The following CACNA1A variants were observed in gnomAD, a reference collection of about 807,000 sequenced individuals.
CACNA1A encodes the protein voltage-dependent P/Q-type calcium channel subunit alpha-1A.
In CACNA1A, 57 loss-of-function variants were observed where a neutral mutation model predicts 262.4. That is an observed-to-expected ratio of 0.22 (90% CI 0.18 to 0.27). The LOEUF (loss-of-function observed/expected upper bound fraction) is 0.27, where lower values mean the gene tolerates loss of function less well. Among genes scored for constraint, CACNA1A ranks in the 10% least tolerant of loss-of-function variants. The pLI is 1.00. For synonymous variants in CACNA1A, 1,431 were observed against 1,419.3 expected (o/e 1.01, Z -0.18); for missense variants, 2,526 against 3,562.8 (o/e 0.71, Z 7.41).
intron 10 of CACNA1A, among the ~76,000 whole-genome samples, chr19:13,322,259 C>T (rs1441829598): frequency 1.3e-5 from 2 of 148,616 alleles, no homozygotes; most frequent in African/African-American, 5.0e-5. Flanking sequence ...GACCATATGA[C>T]AACAGAGGCA....
At chr19:13,474,920 T>C (rs1200867461) in intron 1 of CACNA1A, among the ~76,000 whole-genome samples, 2 of 151,898 alleles carry the variant, frequency 1.3e-5, no homozygotes, top group African/African-American at 4.8e-5. Flanking sequence ...AACAAGGAGG[T>C]TGAGAATGAC....
At chr19:13,210,952 G>A (rs1352788054) in intron 43 of CACNA1A, 5 of 486,948 alleles carry the variant, frequency 1.0e-5, no homozygotes, top group African/African-American at 1.9e-5. Flanking sequence ...ACAGGACGGC[G>A]CAGCCTCGAG....
intron 23 of CACNA1A, among the ~76,000 whole-genome samples, chr19:13,276,393 CA>C (rs1400117107): frequency 6.6e-6 from 1 of 152,204 alleles, no homozygotes; most frequent in African/African-American, 2.4e-5. Context: ...TGGCTTCCCA[CA>C]GATGCCAAAG....
rs754738036 is a variant in CACNA1A at position 13,207,425 on chromosome 19, C to A, written c.7409G>T (p.Arg2470Leu). Residue 2470 changes from arginine to leucine, a missense_variant, in exon 47 of 47, where the codon CGG (arginine) becomes CTG (leucine). Transcript: ENST00000360228. This position sits in a 1 kb window ranked among gnomAD's most constrained non-coding sequence, Gnocchi z 5.7. ...PACASPSRHG[R>L]RLPNGYYPAH... ...CGGGTAGTAGCCGTTGGGGAGTCGCCGGCCGTGCCGAGAAGGCGAGGCGCA... is the reference window on the plus strand; with the variant it reads ...CGGGTAGTAGCCGTTGGGGAGTCGCAGGCCGTGCCGAGAAGGCGAGGCGCA... The A allele has an allele frequency of 6.6e-7, 1 of 1,524,106 alleles. No individual in the cohort carries two copies. Among genetic ancestry groups the A allele is most frequent in the South Asian group, 1.2e-5 (1 of 84,082 alleles). The allele number at this position is 1,524,106 out of a possible 1,614,324, so 94.4% of individuals were successfully genotyped here.
Position 13,298,599 on chromosome 19 carries a change from T to A in CACNA1A, c.3034A>T (p.Thr1012Ser). Residue 1012 changes from threonine to serine, a missense_variant, in exon 19 of 47, where the codon ACG becomes TCG. By Grantham distance (58) the Thr-to-Ser change is moderately conservative. This residue lies in a region of CACNA1A where 765 missense variants were observed against 748.6 expected (regional missense o/e 1.02). Transcript: ENST00000360228. ...RRRHRHGAPA[T>S]YEGDARREDK... Reference sequence around the variant, plus strand: ...TCCCTCCGCGCGTCCCCCTCGTACGTGGCTGGAGCGCCATGCCGGTGCCTT... The same window carrying A: ...TCCCTCCGCGCGTCCCCCTCGTACGAGGCTGGAGCGCCATGCCGGTGCCTT... 1 of 1,530,356 alleles carries A rather than the reference T, an allele frequency of 6.5e-7. No individual in the cohort carries two copies. Among genetic ancestry groups the A allele is most frequent in the Non-Finnish European group, 8.8e-7 (1 of 1,135,306 alleles). 94.8% of individuals were successfully genotyped at this position (1,530,356 alleles called of 1,614,324 possible). A position where few individuals can be genotyped will look rare whatever the true frequency, so the allele number is the denominator to read the frequency against.
At chr19:13,366,530 C>A (rs375175017) in intron 4 of CACNA1A, among the ~76,000 whole-genome samples, 1 of 152,256 alleles carries the variant, frequency 6.6e-6, no homozygotes, top group South Asian at 2.1e-4. Context: ...CTCCTGACCT[C>A]AAGCGATCTT....
At chr19:13,222,937 C>T (rs1483894853) in intron 38 of CACNA1A, among the ~76,000 whole-genome samples, 1 of 152,150 alleles carries the variant, frequency 6.6e-6, no homozygotes. Flanking sequence ...TCGTGATCCA[C>T]CCACCTTGGC....
chr19:13,311,435 A>T (rs185025040), intron 12 of CACNA1A, among the ~76,000 whole-genome samples: 1 of 152,284 alleles, frequency 6.6e-6, no homozygotes, highest in East Asian at 1.9e-4. Flanking sequence ...TTCTTTAACT[A>T]CTTGGGTCAT....
At chr19:13,293,748 G>A (rs920291309) in intron 19 of CACNA1A, among the ~76,000 whole-genome samples, 1 of 151,298 alleles carries the variant, frequency 6.6e-6, no homozygotes, top group African/African-American at 2.4e-5. Context: ...GAGCCACCGC[G>A]CCCGGCTCAG....
At chr19:13,440,681 A>G (rs2060703301) in intron 3 of CACNA1A, among the ~76,000 whole-genome samples, 1 of 152,200 alleles carries the variant, frequency 6.6e-6, no homozygotes, top group South Asian at 2.1e-4. Context: ...CCAATGGACT[A>G]TATCACTTTC....
chr19:13,387,240 G>A (rs2059630851), intron 3 of CACNA1A, among the ~76,000 whole-genome samples: 1 of 152,186 alleles, frequency 6.6e-6, no homozygotes, highest in Non-Finnish European at 1.5e-5. Flanking sequence ...ACAGGCATGA[G>A]CCACTGCGCC....
chr19:13,223,255 G>A (rs1331892664), intron 38 of CACNA1A, among the ~76,000 whole-genome samples: 2 of 151,944 alleles, frequency 1.3e-5, no homozygotes, highest in East Asian at 1.9e-4. Flanking sequence ...GTGCAGTGGC[G>A]TGATCTCGGC....
Position 13,341,027 on chromosome 19 carries a change from G to A in CACNA1A, c.979-5118C>T, listed in dbSNP as rs527631848. Among the ~76,000 whole-genome samples the A allele has an allele frequency of 3.3e-3, 498 of 152,216 alleles. 2 individuals are homozygous for A. The highest frequency in any genetic ancestry group is 5.9e-3 in the Non-Finnish European group (399 of 68,002). ...TTTGAGGCTGTAGTGAGCTATGATC[G>A]CACCACTGCACTCCAGCCTGGGAGA... On this transcript the variant is annotated intron_variant, in intron 6 of 46. Transcript: ENST00000360228.
intron 3 of CACNA1A, among the ~76,000 whole-genome samples, chr19:13,446,497 A>G (rs1239699496): frequency 7.1e-6 from 1 of 140,450 alleles, no homozygotes; most frequent in African/African-American, 2.7e-5. Flanking sequence ...GATGGAGTGC[A>G]GTGGCACAAT....
chr19:13,246,986 T>C (rs537697853), intron 30 of CACNA1A, among the ~76,000 whole-genome samples: 3 of 152,320 alleles, frequency 2.0e-5, no homozygotes, highest in African/African-American at 7.2e-5. Context: ...CAGCCTCAAG[T>C]CCCACAAGGT....
At chr19:13,460,346 G>C (rs1455120108) in intron 1 of CACNA1A, among the ~76,000 whole-genome samples, 1 of 152,112 alleles carries the variant, frequency 6.6e-6, no homozygotes, top group African/African-American at 2.4e-5. Flanking sequence ...AAGAGGTGGG[G>C]GTTCCTGTTT....
At chr19:13,216,873 T>C (rs1269250431) in intron 38 of CACNA1A, among the ~76,000 whole-genome samples, 1 of 152,110 alleles carries the variant, frequency 6.6e-6, no homozygotes, top group Non-Finnish European at 1.5e-5. Context: ...TGCTAATTGG[T>C]TCAGGCAGGT....
intron 1 of CACNA1A, among the ~76,000 whole-genome samples, chr19:13,459,135 A>T (rs1002901979): frequency 3.3e-5 from 5 of 152,104 alleles, no homozygotes; most frequent in Admixed American, 2.6e-4. Context: ...CATTCTGTAG[A>T]GAGATCAATT....
chr19:13,246,648 CAG>C (rs1298316377), intron 30 of CACNA1A, among the ~76,000 whole-genome samples: 2 of 151,498 alleles, frequency 1.3e-5, no homozygotes, highest in Admixed American at 6.6e-5. Flanking sequence ...TTTTTTGAGA[CAG>C]AGTCTCACTC....
Sources: allele counts gnomAD v4.1 joint callset (sites outside exome capture counted in the v4.1 genomes callset), GRCh38; gene constraint gnomAD v4.1.1; regional missense constraint gnomAD v4.1.1; non-coding constraint Gnocchi (gnomAD v3.1); transcripts MANE v1.5; gene names NCBI Gene and HGNC (gene_info 2026-07-23, HGNC 2026-07-21).